The following SETBP1 variants were observed in gnomAD, a reference collection of about 807,000 sequenced individuals.
The protein encoded by SETBP1 is SET binding protein 1, also known as SET-binding protein.
SETBP1 carries 9 observed loss-of-function variants against 101.0 expected under a neutral mutation model. That is an observed-to-expected ratio of 0.09 (90% CI 0.05 to 0.16). The LOEUF (loss-of-function observed/expected upper bound fraction) is 0.16. SETBP1 is among the 10% of genes least tolerant of loss of function. The pLI, the probability that SETBP1 is intolerant of heterozygous loss-of-function variation, is 1.00. For synonymous variants in SETBP1, 818 were observed against 788.5 expected, an observed-to-expected ratio of 1.04 and a Z score of -0.63; for missense variants, 1,858 against 2,033.8, an observed-to-expected ratio of 0.91 and a Z score of 1.66.
At chr18:45,049,363 G>C (rs1007054647) in intron 5 of SETBP1, among the ~76,000 whole-genome samples, 2 of 152,120 alleles carry the variant, frequency 1.3e-5, no homozygotes, top group Admixed American at 6.5e-5. Context: ...AATAAGGCAG[G>C]GTGACTATTC....
At chr18:44,853,831 A>G (rs969449730) in intron 2 of SETBP1, among the ~76,000 whole-genome samples, 4 of 152,158 alleles carry the variant, frequency 2.6e-5, no homozygotes, top group African/African-American at 9.7e-5. Context: ...TCCTGCCAGA[A>G]GCCTTCACCA....
chr18:44,756,503 G>T (rs1483600765), intron 2 of SETBP1, among the ~76,000 whole-genome samples: 1 of 152,170 alleles, frequency 6.6e-6, no homozygotes, highest in Non-Finnish European at 1.5e-5. Context: ...GACGCAAAGG[G>T]CAGATTGCTG....
At chr18:44,959,413 G>T (rs1297008120) in intron 4 of SETBP1, among the ~76,000 whole-genome samples, 2 of 152,190 alleles carry the variant, frequency 1.3e-5, no homozygotes, top group Non-Finnish European at 2.9e-5. Context: ...AATCCAAGTT[G>T]TCTGAATTCA....
At chr18:45,038,333 T>C in intron 4 of SETBP1, 152 bp from the exon 5 acceptor site, 1 of 789,070 alleles carries the variant, frequency 1.3e-6, no homozygotes, top group Non-Finnish European at 2.1e-6. Flanking sequence ...AGCTATTTTT[T>C]CTCTTTTAGC....
At chr18:44,707,749 G>A (rs1172665121) in intron 2 of SETBP1, among the ~76,000 whole-genome samples, 1 of 152,218 alleles carries the variant, frequency 6.6e-6, no homozygotes, top group Non-Finnish European at 1.5e-5. Flanking sequence ...AGATTGCAGA[G>A]AGCAATGAAT....
At chr18:44,766,391 A>G (rs2070764401) in intron 2 of SETBP1, among the ~76,000 whole-genome samples, 1 of 152,242 alleles carries the variant, frequency 6.6e-6, no homozygotes, top group Admixed American at 6.5e-5. Flanking sequence ...ATTTGAATGC[A>G]TGCTACAACA....
intron 5 of SETBP1, among the ~76,000 whole-genome samples, chr18:45,039,370 G>T (rs1330008466): frequency 1.9e-4 from 29 of 152,090 alleles, no homozygotes; most frequent in Non-Finnish European, 1.3e-4. Flanking sequence ...TCTCATCCCT[G>T]CCTCCAGGAA....
At chr18:44,960,177 A>G (rs1387219040) in intron 4 of SETBP1, among the ~76,000 whole-genome samples, 1 of 151,836 alleles carries the variant, frequency 6.6e-6, no homozygotes, top group Non-Finnish European at 1.5e-5. Context: ...CATTACAGGC[A>G]TGAGCCACCG....
At chr18:45,014,974 T>G (rs1369394867) in intron 4 of SETBP1, among the ~76,000 whole-genome samples, 1 of 152,228 alleles carries the variant, frequency 6.6e-6, no homozygotes. Context: ...GGAACTGGAA[T>G]GCATGCTTCA....
rs145088614 is a variant in SETBP1 at position 44,690,701 on chromosome 18, T to A, written c.-173+9680T>A. 3.3e-5 allele frequency among the ~76,000 whole-genome samples: 5 copies of A among 152,330 alleles called. No individual in the cohort carries two copies. The East Asian group carries it at 9.6e-4, about 29-fold the overall frequency. On this transcript the variant is annotated intron_variant, in intron 1 of 5. Coordinates refer to ENST00000649279, the MANE Select transcript of SETBP1 (RefSeq NM_015559.3). ...AAATCCCTCAACTTTAATTTTCTTA[T>A]CTGTAAAATGGATGTGTCTCTGGGT...
chr18:44,876,574 T>C (rs2069407364), intron 3 of SETBP1: 3 of 1,550,024 alleles, frequency 1.9e-6, no homozygotes, highest in Non-Finnish European at 2.6e-6. Flanking sequence ...GATTAAAGAC[T>C]CCAGTAAGGA....
intron 4 of SETBP1, among the ~76,000 whole-genome samples, chr18:45,028,468 C>T (rs1453820034): frequency 3.9e-5 from 6 of 152,106 alleles, no homozygotes; most frequent in Non-Finnish European, 7.4e-5. Flanking sequence ...CCGCAATAAA[C>T]ATATGTGTGC....
intron 3 of SETBP1, among the ~76,000 whole-genome samples, chr18:44,913,479 G>A (rs140669076): frequency 1.1e-3 from 160 of 152,350 alleles, no homozygotes; most frequent in African/African-American, 3.8e-3. Flanking sequence ...TGCATAGAGG[G>A]TGCAGGGCCA....
chr18:44,892,666 G>A (rs2069799238), intron 3 of SETBP1, among the ~76,000 whole-genome samples: 1 of 152,046 alleles, frequency 6.6e-6, no homozygotes, highest in Non-Finnish European at 1.5e-5. Context: ...ATTATTCTGT[G>A]TATAGAGTTC....
intron 4 of SETBP1, among the ~76,000 whole-genome samples, chr18:44,962,836 A>G (rs1452372042): frequency 1.3e-5 from 2 of 152,044 alleles, no homozygotes; most frequent in African/African-American, 4.8e-5. Flanking sequence ...GGGGCTGGGG[A>G]GAAAGTTGGG....
chr18:45,014,054 G>A (rs532232390), intron 4 of SETBP1, among the ~76,000 whole-genome samples: 3 of 152,174 alleles, frequency 2.0e-5, no homozygotes, highest in Admixed American at 6.5e-5. Context: ...TGAATTCTGA[G>A]ACAGTACAGC....
chr18:44,966,965 G>A (rs888561741), intron 4 of SETBP1, among the ~76,000 whole-genome samples: 12 of 152,158 alleles, frequency 7.9e-5, no homozygotes, highest in Admixed American at 2.0e-4. Context: ...CCATATAGTT[G>A]TCAATAATGT....
chr18:44,864,573 A>G (rs642513), intron 2 of SETBP1, among the ~76,000 whole-genome samples: 132,814 of 152,114 alleles, frequency 0.87, 58,141 homozygotes, highest in African/African-American at 0.92. Flanking sequence ...GCAGCAAGAC[A>G]TGTCAGGAAT....
At chr18:45,032,662 T>G (rs954417248) in intron 4 of SETBP1, among the ~76,000 whole-genome samples, 2 of 152,200 alleles carry the variant, frequency 1.3e-5, no homozygotes, top group Non-Finnish European at 2.9e-5. Flanking sequence ...AAATCCATCC[T>G]GTGTTCCTCT....
Sources: allele counts gnomAD v4.1 joint callset (sites outside exome capture counted in the v4.1 genomes callset), GRCh38; gene constraint gnomAD v4.1.1; transcripts MANE v1.5; gene names NCBI Gene and HGNC (gene_info 2026-07-23, HGNC 2026-07-21).